RBBP8: variants seen among roughly 807,000 people sequenced by gnomAD.
RBBP8 encodes DNA endonuclease RBBP8.
RBBP8 carries 88 observed loss-of-function variants against 108.3 expected under a neutral mutation model. The observed-to-expected ratio is 0.81, with a 90% CI of 0.68 to 0.97. The LOEUF is 0.97. RBBP8 is among the 50% of genes least tolerant of loss of function. The probability of loss-of-function intolerance (pLI) is 0.00; values close to 1 mark genes in which losing one functional copy is unlikely to be tolerated. For synonymous variants in RBBP8, 332 were observed against 348.2 expected (o/e 0.95, Z 0.52); for missense variants, 1,023 against 1,049.0 (o/e 0.98, Z 0.34).
intron 8 of RBBP8, among the ~76,000 whole-genome samples, chr18:22,986,009 C>A (rs1245736407): frequency 6.6e-6 from 1 of 150,876 alleles, no homozygotes; most frequent in Non-Finnish European, 1.5e-5. Context: ...CCAGTCCCTT[C>A]CCTGCTGGAA....
At chr18:23,023,078 C>G (rs2046400192) in intron 18 of RBBP8, among the ~76,000 whole-genome samples, 1 of 151,454 alleles carries the variant, frequency 6.6e-6, no homozygotes, top group African/African-American at 2.4e-5. Flanking sequence ...TTTTTTTCCC[C>G]CTAGAGACAG....
intron 9 of RBBP8, among the ~76,000 whole-genome samples, chr18:22,989,947 G>A (rs927904212): frequency 1.3e-5 from 2 of 152,162 alleles, no homozygotes; most frequent in Non-Finnish European, 2.9e-5. Context: ...GAGATTACAG[G>A]TGTGAGTCAC....
Position 22,997,713 on chromosome 18 carries a change from C to T in RBBP8, c.2122C>T (p.Gln708Ter). ...TCTCTTAAAAATGAAGAAGCAAGAG[C>T]AGAAGGGAGAAAAAAGTTCAAGTAA... ...TVLLKMKKQE[Q>*]KGEKSSNEER... Residue 708 changes from glutamine to a stop codon, truncating the protein, a stop_gained, in exon 14 of 19, where the codon CAG becomes TAG. Transcript: ENST00000327155. LOFTEE classifies it high-confidence loss of function. 1 of 1,599,070 alleles carries T rather than the reference C, an allele frequency of 6.3e-7. No individual in the cohort carries two copies. Among genetic ancestry groups the T allele is most frequent in the Non-Finnish European group, 8.5e-7 (1 of 1,169,750 alleles).
chr18:23,015,210 C>T (rs2046236114), intron 16 of RBBP8, among the ~76,000 whole-genome samples: 2 of 152,082 alleles, frequency 1.3e-5, no homozygotes. Flanking sequence ...TAATGTTTCT[C>T]ATAAATAGGA....
chr18:22,930,562 T>C (rs927359203), upstream of RBBP8, among the ~76,000 whole-genome samples: 2 of 152,210 alleles, frequency 1.3e-5, no homozygotes, highest in Non-Finnish European at 2.9e-5. Flanking sequence ...AACCTATCTA[T>C]GAGGATGCCC....
chr18:22,934,761 C>G (rs1910386429), intron 1 of RBBP8: 1 of 151,418 alleles, frequency 6.6e-6, no homozygotes, highest in African/African-American at 2.4e-5. Context: ...TGAGAACATG[C>G]GGGCTACAGA....
chr18:22,960,173 A>G (rs200042340), intron 4 of RBBP8, among the ~76,000 whole-genome samples: 2 of 152,030 alleles, frequency 1.3e-5, no homozygotes, highest in South Asian at 2.1e-4. Flanking sequence ...GATTACAGGC[A>G]TGAGCCACCA....
intron 4 of RBBP8, chr18:22,950,103 G>A (rs958422042): frequency 6.2e-5 from 11 of 176,074 alleles, no homozygotes. Context: ...CTTTGAGGGA[G>A]TCTAGGGATC....
intron 9 of RBBP8, 145 bp downstream of exon 9, chr18:22,989,463 A>G (rs1422979190): frequency 1.6e-6 from 1 of 607,942 alleles, no homozygotes. Context: ...AGAAAGTCCT[A>G]TTTCTGTTGT....
intron 4 of RBBP8, among the ~76,000 whole-genome samples, chr18:22,963,678 C>T (rs1267685543): frequency 1.3e-5 from 2 of 151,928 alleles, no homozygotes; most frequent in Non-Finnish European, 1.5e-5. Flanking sequence ...TCTATTTTTT[C>T]TTATTTTGGT....
At chr18:22,945,121 A>T (rs1911440317) in intron 2 of RBBP8, among the ~76,000 whole-genome samples, 1 of 152,180 alleles carries the variant, frequency 6.6e-6, no homozygotes, top group Admixed American at 6.5e-5. Context: ...GTAATTATTT[A>T]TTGGTAACTA....
chr18:22,985,479 C>A (rs959206105), intron 8 of RBBP8, among the ~76,000 whole-genome samples: 1 of 151,984 alleles, frequency 6.6e-6, no homozygotes, highest in Non-Finnish European at 1.5e-5. Flanking sequence ...GAGAAGGGCA[C>A]CCAGGCAGAG....
At chr18:22,949,991 T>G (rs765174354) in intron 4 of RBBP8, 13 of 282,596 alleles carry the variant, frequency 4.6e-5, no homozygotes, top group Non-Finnish European at 8.0e-5. Context: ...AATGCTTTAA[T>G]TCCAGTTTTA....
intron 4 of RBBP8, among the ~76,000 whole-genome samples, chr18:22,957,406 C>G (rs140695463): frequency 7.3e-6 from 1 of 137,810 alleles, no homozygotes; most frequent in African/African-American, 2.7e-5. Flanking sequence ...TGTAAGTAAA[C>G]AGTGAAACCA....
At chr18:22,921,384 G>A (rs768520386) in intron 3 of RBBP8, among the ~76,000 whole-genome samples, 6 of 152,234 alleles carry the variant, frequency 3.9e-5, no homozygotes, top group Non-Finnish European at 7.4e-5. Context: ...AAGAGTTGCC[G>A]CATGGGTTGC....
chr18:22,980,710 T>C (rs1290974569), intron 6 of RBBP8, among the ~76,000 whole-genome samples: 1 of 150,246 alleles, frequency 6.7e-6, no homozygotes, highest in Non-Finnish European at 1.5e-5. Context: ...TAAGTCTTTT[T>C]GGGGTTTTTT....
At chr18:22,994,792 C>T (rs2045825631) in intron 12 of RBBP8, among the ~76,000 whole-genome samples, 1 of 151,964 alleles carries the variant, frequency 6.6e-6, no homozygotes, top group African/African-American at 2.4e-5. Context: ...GGCATGATCA[C>T]GGCTCACTTG....
At chr18:22,964,398 T>A (rs1470403080) in intron 4 of RBBP8, among the ~76,000 whole-genome samples, 1 of 148,226 alleles carries the variant, frequency 6.7e-6, no homozygotes, top group East Asian at 2.0e-4. Flanking sequence ...TTCTTTTCAG[T>A]CCTTTAAGTA....
intron 10 of RBBP8, among the ~76,000 whole-genome samples, chr18:22,991,587 T>C (rs893200854): frequency 1.3e-5 from 2 of 152,240 alleles, no homozygotes; most frequent in African/African-American, 4.8e-5. Context: ...CATATCCTCC[T>C]GTATATTTTA....
Sources: allele counts gnomAD v4.1 joint callset (sites outside exome capture counted in the v4.1 genomes callset), GRCh38; gene constraint gnomAD v4.1.1; transcripts MANE v1.5; gene names NCBI Gene and HGNC (gene_info 2026-07-23, HGNC 2026-07-21).